MGAT4C: variants seen among roughly 807,000 people sequenced by gnomAD.
MGAT4C encodes MGAT4 family member C, also known as alpha-1,3-mannosyl-glycoprotein 4-beta-N-acetylglucosaminyltransferase C.
MGAT4C carries 19 observed loss-of-function variants against 40.1 expected under a neutral mutation model. The ratio of observed to expected loss-of-function variants is 0.47; its 90% CI spans 0.33 to 0.70. The LOEUF is 0.70. Ranked by LOEUF, MGAT4C falls within the 30% of genes least tolerant of loss-of-function variation. The pLI is 0.02. For missense variants in MGAT4C, 491 were observed against 563.2 expected (o/e 0.87, Z 1.30); for synonymous variants, 181 against 187.1 (o/e 0.97, Z 0.27).
At position 85,980,258 on chromosome 12, in the gene MGAT4C, A is replaced by G; in HGVS notation, c.468T>C (p.Ile156=). Reference sequence around the variant, plus strand: ...TAATATGGTGCGCAAATTTCTGTGTAATATCCTGGACCATGGCATCACGCC... The same window carrying G: ...TAATATGGTGCGCAAATTTCTGTGTGATATCCTGGACCATGGCATCACGCC... ...SSWRDAMVQD[I]TQKFAHHIIA... is the part of the protein sequence containing the mutation. The change falls in exon 5 of 5, where the codon ATT becomes ATC. Residue 156 remains isoleucine (I), a synonymous_variant. Coordinates refer to ENST00000611864, the MANE Select transcript of MGAT4C (RefSeq NM_001351288.2). 1 of 1,613,978 alleles carries G rather than the reference A, an allele frequency of 6.2e-7. No individual in the cohort carries two copies. The highest frequency in any genetic ancestry group is 1.7e-4 in the Middle Eastern group (1 of 6,060).
chr12:86,804,976 A>T (rs1477731108), intron 1 of MGAT4C, among the ~76,000 whole-genome samples: 2 of 152,022 alleles, frequency 1.3e-5, no homozygotes, highest in African/African-American at 2.4e-5. Context: ...CAGAAGTAAG[A>T]TTACTGGAAT....
intron 2 of MGAT4C, among the ~76,000 whole-genome samples, chr12:86,510,950 A>G (rs997572997): frequency 6.6e-6 from 1 of 151,978 alleles, no homozygotes; most frequent in Non-Finnish European, 1.5e-5. Flanking sequence ...AAAGTCAACA[A>G]GGATACCCAG....
chr12:86,121,849 T>A (rs1879427341), intron 1 of MGAT4C, among the ~76,000 whole-genome samples: 1 of 152,192 alleles, frequency 6.6e-6, no homozygotes, highest in Admixed American at 6.5e-5. Flanking sequence ...ATTGTTCCCA[T>A]TTAATTAATG....
At chr12:86,539,260 T>A (rs575134922) in intron 2 of MGAT4C, among the ~76,000 whole-genome samples, 1 of 150,410 alleles carries the variant, frequency 6.6e-6, no homozygotes, top group Admixed American at 6.6e-5. Context: ...CACCTATGAA[T>A]GAGAACATGC....
Position 86,073,763 on chromosome 12 carries a change from C to A in MGAT4C, c.-56-24040G>T, listed in dbSNP as rs569723124. ...ACCCCCCATTGTACCTAGGAAGTAA[C>A]TAGCTTGCTTTTGATATTACAGGCT... On this transcript the variant is annotated intron_variant, in intron 1 of 4. Transcript: ENST00000611864. 1.4e-4 allele frequency among the ~76,000 whole-genome samples: 21 copies of A among 152,280 alleles called. No homozygotes were observed. The South Asian group carries it at 4.4e-3, about 32-fold the overall frequency.
chr12:86,468,467 C>G (rs1957712941), intron 2 of MGAT4C, among the ~76,000 whole-genome samples: 1 of 152,022 alleles, frequency 6.6e-6, no homozygotes, highest in Non-Finnish European at 1.5e-5. Context: ...TGATCTTTCT[C>G]TCCACCCCAT....
intron 2 of MGAT4C, among the ~76,000 whole-genome samples, chr12:86,537,122 C>CA (rs397959992): frequency 0.028 from 4,184 of 150,992 alleles, 157 homozygotes; most frequent in African/African-American, 0.088. Flanking sequence ...ATCGCAAGGA[C>CA]AAAAAACCAA....
chr12:86,739,278 T>C (rs546950377), intron 1 of MGAT4C, among the ~76,000 whole-genome samples: 9 of 149,698 alleles, frequency 6.0e-5, no homozygotes, highest in African/African-American at 2.0e-4. Context: ...GTCCTAAAGA[T>C]ATGCTGTTAT....
rs1409631238 is a variant in MGAT4C at position 86,782,330 on chromosome 12, C to T, written c.-261-55089G>A. Among the ~76,000 whole-genome samples, 14 of 151,644 alleles carry T rather than the reference C, an allele frequency of 9.2e-5. No individual in the cohort carries two copies. In the East Asian group the frequency reaches 1.8e-3, roughly 19 times the overall value. ...CCAAGTAGCTGGGACTACAGGCGCC[C>T]GCCACTACGCCCGGCTAATTTTTTG... On this transcript the variant is annotated intron_variant, in intron 1 of 7. Transcript: ENST00000548651.
chr12:86,704,087 T>C (rs1342028827), intron 2 of MGAT4C, among the ~76,000 whole-genome samples: 1 of 152,120 alleles, frequency 6.6e-6, no homozygotes, highest in African/African-American at 2.4e-5. Context: ...ATCAAAATAA[T>C]AAGAGCTAAT....
At chr12:86,382,908 C>T (rs565209321) in intron 3 of MGAT4C, among the ~76,000 whole-genome samples, 1 of 152,202 alleles carries the variant, frequency 6.6e-6, no homozygotes, top group Non-Finnish European at 1.5e-5. Context: ...CAGAAGTTTG[C>T]TGCAGGGGCA....
At chr12:86,471,177 T>C (rs1342481314) in intron 2 of MGAT4C, among the ~76,000 whole-genome samples, 1 of 151,978 alleles carries the variant, frequency 6.6e-6, no homozygotes, top group Non-Finnish European at 1.5e-5. Context: ...CCTTCAGGAA[T>C]AAAGAAAGAA....
At chr12:86,465,306 C>T (rs904262536) in intron 2 of MGAT4C, among the ~76,000 whole-genome samples, 1 of 151,962 alleles carries the variant, frequency 6.6e-6, no homozygotes, top group African/African-American at 2.4e-5. Context: ...CTTAAATGAC[C>T]TTGGGTATGG....
In MGAT4C at chr12:86,087,159, C is replaced by T. The variant is rs560381121; in HGVS notation, c.-56-37436G>A. On this transcript the variant is annotated intron_variant, in intron 1 of 4. Transcript: ENST00000611864. ...AGAGTGCAGACATCTCTTCCATACACGCATTTCCTTTCTATTGGATATATA... is the reference window on the plus strand; with the variant it reads ...AGAGTGCAGACATCTCTTCCATACATGCATTTCCTTTCTATTGGATATATA... Among the ~76,000 whole-genome samples, 6 of 152,030 alleles carry T rather than the reference C, an allele frequency of 3.9e-5. No homozygotes were observed. The East Asian group carries it at 7.8e-4, about 20-fold the overall frequency.
At chr12:86,818,896 G>C (rs972861025) in intron 1 of MGAT4C, among the ~76,000 whole-genome samples, 1 of 150,942 alleles carries the variant, frequency 6.6e-6, no homozygotes. Flanking sequence ...TATATGAATG[G>C]TAAATAAGCA....
chr12:86,811,406 G>A (rs1304054583), intron 1 of MGAT4C, among the ~76,000 whole-genome samples: 1 of 141,196 alleles, frequency 7.1e-6, no homozygotes, highest in African/African-American at 2.6e-5. Context: ...GTAGTGGCAC[G>A]ATCTCGGCTC....
chr12:86,192,669 G>C (rs1477260431), intron 1 of MGAT4C, among the ~76,000 whole-genome samples: 1 of 152,178 alleles, frequency 6.6e-6, no homozygotes, highest in African/African-American at 2.4e-5. Context: ...TTTGAGGAAT[G>C]TGTTTATTGC....
At position 86,661,225 on chromosome 12, in the gene MGAT4C, TA is replaced by T. The variant is rs1017449794; in HGVS notation, c.-229+65983del. ...AAGAAAGGAAAAGGAAAAAGCCAAA[TA>T]AAAAAATCAGTATAAAAAAGATTAG... is the stretch of plus-strand genomic sequence containing the variant. On this transcript the variant is annotated intron_variant, in intron 2 of 7. Coordinates refer to the MGAT4C transcript ENST00000548651. Among the ~76,000 whole-genome samples, 3 of 150,454 alleles carry T rather than the reference TA, an allele frequency of 2.0e-5. No individual in the cohort carries two copies. In the East Asian group the frequency reaches 5.9e-4, roughly 29 times the overall value.
intron 2 of MGAT4C, among the ~76,000 whole-genome samples, chr12:86,010,378 C>G (rs148335593): frequency 3.9e-5 from 6 of 152,218 alleles, no homozygotes; most frequent in African/African-American, 1.4e-4. Context: ...GAATGTTTGT[C>G]TTTTTTAAAA....
Sources: gnomAD v4.1 joint callset for allele counts (sites outside exome capture counted in the v4.1 genomes callset) on GRCh38, gnomAD v4.1.1 for gene constraint, MANE v1.5 for transcripts, NCBI Gene and HGNC (gene_info 2026-07-23, HGNC 2026-07-21) for gene names.